SEPTIN9: variants seen among roughly 807,000 people sequenced by gnomAD.
SEPTIN9 encodes the protein septin 9.
SEPTIN9 carries 13 observed loss-of-function variants against 56.6 expected under a neutral mutation model. The ratio of observed to expected loss-of-function variants is 0.23; its 90% CI spans 0.15 to 0.37. SEPTIN9 has a LOEUF of 0.37. Among genes scored for constraint, SEPTIN9 ranks in the 10% least tolerant of loss-of-function variants. The probability of loss-of-function intolerance (pLI) is 1.00; values close to 1 mark genes in which losing one functional copy is unlikely to be tolerated. For missense variants in SEPTIN9, 650 were observed against 823.1 expected (o/e 0.79, Z 2.57); for synonymous variants, 332 against 334.1 (o/e 0.99, Z 0.07).
chr17:77,488,444 C>T (rs2039888702), intron 6 of SEPTIN9, 123 bp downstream of exon 6: 2 of 941,510 alleles, frequency 2.1e-6, no homozygotes, highest in African/African-American at 1.6e-5. Flanking sequence ...TGGGACCTGA[C>T]ATGCTGCCAA....
At chr17:77,354,993 GCT>G (rs900304529) in intron 2 of SEPTIN9, among the ~76,000 whole-genome samples, 60 of 152,262 alleles carry the variant, frequency 3.9e-4, no homozygotes, top group African/African-American at 1.4e-3. Flanking sequence ...TTTCCATCCA[GCT>G]CTGTGACTCC....
At chr17:77,483,662 C>T (rs2039550585) in intron 4 of SEPTIN9, 1 of 152,296 alleles carries the variant, frequency 6.6e-6, no homozygotes, top group Non-Finnish European at 1.5e-5. Flanking sequence ...CACAGGCCTT[C>T]TTCCGGAGCT....
At position 77,449,483 on chromosome 17, in the gene SEPTIN9, C is replaced by A. The variant is rs2037884373; in HGVS notation, c.722-32661C>A. Among the ~76,000 whole-genome samples the A allele has an allele frequency of 6.6e-6, 1 of 152,016 alleles. No homozygotes were observed. Among genetic ancestry groups the A allele is most frequent in the Admixed American group, 6.6e-5 (1 of 15,254 alleles). ...GGGCCCTGGGAAAAGCCTGGGGGGC[C>A]AGAAAGCTGGGGGACAGATTGAGGC... On this transcript the variant is annotated intron_variant, in intron 3 of 11. Coordinates refer to ENST00000427177, the MANE Select transcript of SEPTIN9 (RefSeq NM_001113491.2). The surrounding 1 kb of genome is among the most constrained non-coding windows in gnomAD (Gnocchi z 4.6).
chr17:77,356,009 C>A (rs995152764), intron 2 of SEPTIN9, among the ~76,000 whole-genome samples: 1 of 133,658 alleles, frequency 7.5e-6, no homozygotes, highest in Non-Finnish European at 1.6e-5. Context: ...GAAGTGCTCC[C>A]AGCTCTTCCT....
intron 2 of SEPTIN9, among the ~76,000 whole-genome samples, chr17:77,381,303 C>G (rs1017072522): frequency 1.4e-4 from 22 of 152,236 alleles, no homozygotes; most frequent in African/African-American, 5.3e-4. Flanking sequence ...TCCCCTCCCC[C>G]AGGCAGGGCC....
intron 2 of SEPTIN9, among the ~76,000 whole-genome samples, chr17:77,380,777 A>G (rs775951589): frequency 1.3e-5 from 2 of 152,084 alleles, no homozygotes; most frequent in Non-Finnish European, 2.9e-5. Context: ...GTTACCCCAC[A>G]TCCCCCTGTC....
At chr17:77,362,899 C>A (rs982505125) in intron 2 of SEPTIN9, among the ~76,000 whole-genome samples, 2 of 152,192 alleles carry the variant, frequency 1.3e-5, no homozygotes, top group Non-Finnish European at 2.9e-5. Flanking sequence ...ACAGATCAGG[C>A]CTGAGTCAGG....
At position 77,421,709 on chromosome 17, in the gene SEPTIN9, G is replaced by A. The variant is rs1239034486; in HGVS notation, c.721+19006G>A. Among the ~76,000 whole-genome samples the A allele has an allele frequency of 9.9e-5, 15 of 152,170 alleles. No individual in the cohort carries two copies. Among genetic ancestry groups the A allele is most frequent in the African/African-American group, 3.4e-4 (14 of 41,438 alleles). On this transcript the variant is annotated intron_variant, in intron 3 of 11. Transcript: ENST00000427177. The surrounding 1 kb of genome is among the most constrained non-coding windows in gnomAD (Gnocchi z 4.6). ...TTGGGCTGAGCTCTCTGCCTCGGCC[G>A]ACGTCTTTCCCCAGGCACTTCCTCT...
chr17:77,452,509 T>C (rs2038022856), intron 3 of SEPTIN9, among the ~76,000 whole-genome samples: 2 of 152,216 alleles, frequency 1.3e-5, no homozygotes, highest in South Asian at 4.1e-4. Flanking sequence ...AACAGCTCTC[T>C]GCTCATCTAA....
rs767796415 is a variant in SEPTIN9 at position 77,412,345 on chromosome 17, A to G, written c.721+9642A>G. On this transcript the variant is annotated intron_variant, in intron 3 of 11. Coordinates refer to ENST00000427177, the MANE Select transcript of SEPTIN9 (RefSeq NM_001113491.2). ...TGTTTTATTTTGTGCATCTCGGTCA[A>G]GCGAGAGGGATTATCTCTTCGTATG... Among the ~76,000 whole-genome samples, 9 of 152,270 alleles carry G rather than the reference A, an allele frequency of 5.9e-5. 1 individual carries two copies. The highest frequency in any genetic ancestry group is 3.9e-4 in the East Asian group (2 of 5,178).
intron 3 of SEPTIN9, among the ~76,000 whole-genome samples, chr17:77,459,440 A>G (rs1042555117): frequency 5.9e-5 from 9 of 152,228 alleles, no homozygotes; most frequent in African/African-American, 2.2e-4. Flanking sequence ...CCGGTCTGTG[A>G]GGACCTCGCA....
chr17:77,315,131 G>A (rs941527860), intron 2 of SEPTIN9, among the ~76,000 whole-genome samples: 3 of 152,172 alleles, frequency 2.0e-5, no homozygotes, highest in Admixed American at 6.5e-5. Flanking sequence ...AGGCTCTGAT[G>A]TCAGGATTGT....
At chr17:77,438,414 G>A (rs1483101338) in intron 3 of SEPTIN9, among the ~76,000 whole-genome samples, 2 of 152,218 alleles carry the variant, frequency 1.3e-5, no homozygotes, top group Non-Finnish European at 2.9e-5. Context: ...CCAGAGTTGA[G>A]CACATCCTAA....
rs1410821944 is a variant in SEPTIN9, at chr17:77,476,060, C to T, written c.722-6084C>T. On this transcript the variant is annotated intron_variant, in intron 3 of 11. Coordinates refer to ENST00000427177, the MANE Select transcript of SEPTIN9 (RefSeq NM_001113491.2). The surrounding 1 kb of genome is among the most constrained non-coding windows in gnomAD (Gnocchi z 6.0). ...CCCTGGAGCTGGGAATGGCATTGGG[C>T]GGTGGCTCAGGGTCCCTTGCCCCAG... Among the ~76,000 whole-genome samples the T allele has an allele frequency of 6.6e-6, 1 of 152,146 alleles. No homozygotes were observed. Among genetic ancestry groups the T allele is most frequent in the African/African-American group, 2.4e-5 (1 of 41,422 alleles).
At chr17:77,438,374 T>A (rs2037430442) in intron 3 of SEPTIN9, among the ~76,000 whole-genome samples, 1 of 152,186 alleles carries the variant, frequency 6.6e-6, no homozygotes, top group South Asian at 2.1e-4. Flanking sequence ...CTCCAGGACC[T>A]ATGTCTTGGG....
chr17:77,422,926 C>T (rs4789497), intron 3 of SEPTIN9, among the ~76,000 whole-genome samples: 2,610 of 152,260 alleles, frequency 0.017, 107 homozygotes, highest in East Asian at 0.17. Flanking sequence ...GTAAACCCCT[C>T]GTCCCCACAG....
Position 77,492,485 on chromosome 17 carries a change from G to A in SEPTIN9, c.1381-136G>A, listed in dbSNP as rs958662703. 6.5e-4 allele frequency: 506 copies of A among 777,300 alleles called. 6 individuals are homozygous for A. The highest frequency in any genetic ancestry group is 1.0e-4 in the Non-Finnish European group (45 of 432,742). 48.2% of individuals were successfully genotyped at this position (777,300 alleles called of 1,614,324 possible). ...GAGGCACAGGAGTTGGAGGTGATTG[G>A]TGTCACAGCCCCCCAGAGCCTGCCC... On this transcript the variant is annotated intron_variant, in intron 8 of 11. Coordinates refer to ENST00000427177, the MANE Select transcript of SEPTIN9 (RefSeq NM_001113491.2). This position sits in a 1 kb window ranked among gnomAD's most constrained non-coding sequence, Gnocchi z 5.4.
intron 3 of SEPTIN9, among the ~76,000 whole-genome samples, chr17:77,455,887 G>T (rs75241607): frequency 0.017 from 2,561 of 152,302 alleles, 45 homozygotes; most frequent in African/African-American, 0.045. Context: ...CTCCCTGCAC[G>T]CTCCGCACAA....
Position 77,490,869 on chromosome 17 carries a change from C to T in SEPTIN9, c.1380+10C>T. ...CCACTTCAAACAGCGGGTAGGGTTCCATCTCTACTTGCCCCAGCCCTTCTG... is the reference window on the plus strand; with the variant it reads ...CCACTTCAAACAGCGGGTAGGGTTCTATCTCTACTTGCCCCAGCCCTTCTG... On this transcript the variant is annotated intron_variant, in intron 8 of 11. Transcript: ENST00000427177. 3 of 1,554,730 alleles carry T rather than the reference C, an allele frequency of 1.9e-6. No homozygotes were observed. Among genetic ancestry groups the T allele is most frequent in the Non-Finnish European group, 2.6e-6 (3 of 1,145,756 alleles).
Sources: allele counts gnomAD v4.1 joint callset (sites outside exome capture counted in the v4.1 genomes callset), GRCh38; gene constraint gnomAD v4.1.1; non-coding constraint Gnocchi (gnomAD v3.1); transcripts MANE v1.5; gene names NCBI Gene and HGNC (gene_info 2026-07-23, HGNC 2026-07-21).